The following EHD4 variants were observed in gnomAD, a reference collection of about 807,000 sequenced individuals.
EHD4 encodes the protein EH domain containing 4.
A neutral mutation model predicts 51.0 loss-of-function variants in EHD4; 37 were observed. The ratio of observed to expected loss-of-function variants is 0.73; its 90% CI spans 0.56 to 0.95. The LOEUF (loss-of-function observed/expected upper bound fraction) is 0.95. EHD4 is among the 40% of genes least tolerant of loss of function. The probability of loss-of-function intolerance (pLI) is 0.00; values close to 1 mark genes in which losing one functional copy is unlikely to be tolerated. For missense variants in EHD4, 632 were observed against 733.1 expected, an observed-to-expected ratio of 0.86 and a Z score of 1.59; for synonymous variants, 297 against 317.3, an observed-to-expected ratio of 0.94 and a Z score of 0.68.
Position 41,919,291 on chromosome 15 carries a change from G to T in EHD4, c.843C>A (p.Leu281=). The part of the protein sequence containing the change: ...RRLFEAEAQD[L]FRDIQSLPQK... ...GGGGGAGGCTCTGGATGTCTCTAAA[G>T]AGGTCCTGGGCCTCAGCCTCGAAGA... is the stretch of plus-strand genomic sequence containing the variant. Residue 281 remains leucine, a synonymous_variant, in exon 4 of 6, where the codon CTC becomes CTA. Transcript: ENST00000220325. 4 of 1,614,196 alleles carry T rather than the reference G, an allele frequency of 2.5e-6. No individual in the cohort carries two copies. The highest frequency in any genetic ancestry group is 3.4e-6 in the Non-Finnish European group (4 of 1,180,040).
At chr15:41,912,843 T>G (rs1427956632) in intron 4 of EHD4, among the ~76,000 whole-genome samples, 8 of 152,194 alleles carry the variant, frequency 5.3e-5, no homozygotes, top group African/African-American at 1.9e-4. Context: ...ATACAGCTAG[T>G]TGGTAGATAC....
chr15:41,926,852 G>A (rs1232903013), intron 3 of EHD4, among the ~76,000 whole-genome samples: 2 of 152,110 alleles, frequency 1.3e-5, no homozygotes, highest in African/African-American at 4.8e-5. Flanking sequence ...CTTTCTGTCT[G>A]GAATGCCCTT....
In EHD4 at chr15:41,919,371, C is replaced by T. The variant is rs371789052; in HGVS notation, c.763G>A (p.Val255Ile). ...TGCGCCCAGAAGGAGCCAATGTAGA[C>T]GCGCAGTACCTCGGGCGTGTTGATG... The part of the protein sequence containing the change: ...KVINTPEVLR[V>I]YIGSFWAQPL... Residue 255 changes from valine to isoleucine, a missense_variant, in exon 4 of 6, where the codon GTC becomes ATC. Physicochemically the swap from Val to Ile is conservative, Grantham distance 29. Transcript: ENST00000220325. 1.7e-5 allele frequency: 27 copies of T among 1,613,616 alleles called. No individual in the cohort carries two copies. Among genetic ancestry groups the T allele is most frequent in the East Asian group, 8.9e-5 (4 of 44,890 alleles).
rs1394500658 is a variant in EHD4, at chr15:41,919,195, C to T, written c.924+15G>A. 1.9e-6 allele frequency: 3 copies of T among 1,613,152 alleles called. No individual in the cohort carries two copies. The highest frequency in any genetic ancestry group is 3.3e-5 in the Admixed American group (2 of 60,030). On this transcript the variant is annotated intron_variant, in intron 4 of 5. Transcript: ENST00000220325. ...CCCAGCCCCTGGCCTCTGTGCAAGGCATCTCCTGGCTTACCTTGGCCAGCC... is the reference window on the plus strand; with the variant it reads ...CCCAGCCCCTGGCCTCTGTGCAAGGTATCTCCTGGCTTACCTTGGCCAGCC...
At chr15:41,927,629 T>C (rs1334849776) in intron 3 of EHD4, among the ~76,000 whole-genome samples, 1 of 152,184 alleles carries the variant, frequency 6.6e-6, no homozygotes, top group Non-Finnish European at 1.5e-5. Context: ...GTATAAGATA[T>C]GTAAAATAGT....
intron 2 of EHD4, among the ~76,000 whole-genome samples, chr15:41,945,645 C>A (rs62004266): frequency 6.6e-6 from 1 of 152,222 alleles, no homozygotes; most frequent in Non-Finnish European, 1.5e-5. Context: ...AGCATTGAGA[C>A]CCTGTGGTGC....
At position 41,935,178 on chromosome 15, in the gene EHD4, C is replaced by T. The variant is rs544550242; in HGVS notation, c.511+7889G>A. 1.2e-4 allele frequency among the ~76,000 whole-genome samples: 18 copies of T among 152,328 alleles called. 1 individual carries two copies. The South Asian group carries it at 2.7e-3, about 23-fold the overall frequency. ...TGCCAGGCAAACCCTCCATTCTTTA[C>T]GTCCAGCCTAAATGCCACCTCCTCA... On this transcript the variant is annotated intron_variant, in intron 3 of 5. Coordinates refer to ENST00000220325, the MANE Select transcript of EHD4 (RefSeq NM_139265.4).
intron 3 of EHD4, chr15:41,928,793 A>G (rs1341657317): frequency 1.3e-5 from 2 of 152,182 alleles, no homozygotes; most frequent in Non-Finnish European, 2.9e-5. Context: ...GCAGTCCCCA[A>G]TCAGCGGGAG....
chr15:41,952,145 A>C (rs2067856393), intron 2 of EHD4, among the ~76,000 whole-genome samples: 1 of 152,272 alleles, frequency 6.6e-6, no homozygotes, highest in Admixed American at 6.5e-5. Flanking sequence ...CAGCCGAGCC[A>C]GTGCACAGCA....
chr15:41,970,468 A>G (rs1347980862), intron 1 of EHD4, among the ~76,000 whole-genome samples: 3 of 152,248 alleles, frequency 2.0e-5, no homozygotes, highest in Non-Finnish European at 4.4e-5. Flanking sequence ...TAGCTATTCC[A>G]CAAATTTCTC....
intron 5 of EHD4, 26 bp from the exon 6 acceptor site, chr15:41,901,207 G>T: frequency 6.6e-7 from 1 of 1,521,020 alleles, no homozygotes. Context: ...CCACAGGATG[G>T]GTTACATGTG....
At chr15:41,966,349 C>G (rs762867755) in intron 1 of EHD4, among the ~76,000 whole-genome samples, 1 of 152,174 alleles carries the variant, frequency 6.6e-6, no homozygotes, top group Non-Finnish European at 1.5e-5. Context: ...CTGACCACCA[C>G]CTCTCTCCCT....
chr15:41,923,626 T>C (rs1467395485), intron 3 of EHD4, among the ~76,000 whole-genome samples: 1 of 152,200 alleles, frequency 6.6e-6, no homozygotes, highest in Non-Finnish European at 1.5e-5. Context: ...GTGATTGCAA[T>C]GCATGGTGCA....
intron 1 of EHD4, among the ~76,000 whole-genome samples, chr15:41,961,496 T>C (rs1463480729): frequency 6.6e-6 from 1 of 152,258 alleles, no homozygotes; most frequent in Non-Finnish European, 1.5e-5. Context: ...GAGGAGGTTA[T>C]GGAACACAGC....
At chr15:41,916,772 C>T (rs559780192) in intron 4 of EHD4, among the ~76,000 whole-genome samples, 9 of 152,334 alleles carry the variant, frequency 5.9e-5, no homozygotes, top group Admixed American at 3.3e-4. Context: ...GCACTGCCCA[C>T]GAGCAACTGG....
intron 5 of EHD4, among the ~76,000 whole-genome samples, chr15:41,909,226 G>A (rs945602771): frequency 6.6e-6 from 1 of 152,236 alleles, no homozygotes; most frequent in Non-Finnish European, 1.5e-5. Context: ...TGCCCACGCA[G>A]TCCAGCAGCG....
intron 3 of EHD4, among the ~76,000 whole-genome samples, 162 bp from the exon 4 acceptor site, chr15:41,919,784 T>G (rs1312247354): frequency 6.6e-6 from 1 of 152,120 alleles, no homozygotes; most frequent in Non-Finnish European, 1.5e-5. Context: ...ACGGGCTGGA[T>G]GAATCCGGGT....
At chr15:41,921,141 G>A (rs1392007468) in intron 3 of EHD4, among the ~76,000 whole-genome samples, 1 of 152,148 alleles carries the variant, frequency 6.6e-6, no homozygotes, top group Non-Finnish European at 1.5e-5. Flanking sequence ...AGCCCCCTGT[G>A]CACCCCTCCC....
chr15:41,962,604 A>G (rs901721936), intron 1 of EHD4, among the ~76,000 whole-genome samples: 2 of 151,662 alleles, frequency 1.3e-5, no homozygotes, highest in African/African-American at 4.8e-5. Context: ...TGGGTTAAAA[A>G]GTTAAATATT....
Sources: gnomAD v4.1 joint callset for allele counts (sites outside exome capture counted in the v4.1 genomes callset) on GRCh38, gnomAD v4.1.1 for gene constraint, MANE v1.5 for transcripts, NCBI Gene and HGNC (gene_info 2026-07-23, HGNC 2026-07-21) for gene names.